The following ALDH9A1 variants were observed in gnomAD, a reference collection of about 807,000 sequenced individuals.
The protein encoded by ALDH9A1 is aldehyde dehydrogenase 9 family member A1, also known as 4-trimethylaminobutyraldehyde dehydrogenase.
Under a neutral mutation model 56.6 loss-of-function variants are expected in ALDH9A1, and 42 were observed. That is an observed-to-expected ratio of 0.74 (90% CI 0.58 to 0.96). The LOEUF is 0.96. ALDH9A1 is among the 40% of genes least tolerant of loss of function. ALDH9A1 has a pLI of 0.00. For missense variants in ALDH9A1, 661 were observed against 651.5 expected (o/e 1.01, Z -0.16); for synonymous variants, 242 against 236.0 (o/e 1.03, Z -0.23).
intron 2 of ALDH9A1, among the ~76,000 whole-genome samples, chr1:165,691,260 A>C (rs1350982653): frequency 6.6e-6 from 1 of 152,190 alleles, no homozygotes; most frequent in Admixed American, 6.5e-5. Context: ...TCTGGAGTGG[A>C]CCTCCAGCAA....
intron 6 of ALDH9A1, chr1:165,671,551 T>C: frequency 2.2e-6 from 1 of 451,792 alleles, no homozygotes; most frequent in Admixed American, 2.6e-5. Flanking sequence ...ACCATTTAAT[T>C]AAGGCAGCAG....
rs966221634 is a variant in ALDH9A1 at position 165,662,831 on chromosome 1, G to A, written c.*219C>T. ...AAGATTTCACAAAAATACGCTTTGA[G>A]GAGAATCACAGCTTTCTTGATTAGT... On this transcript the variant is annotated 3_prime_UTR_variant, in exon 11 of 11. Transcript: ENST00000354775. The A allele has an allele frequency of 2.2e-5, 12 of 535,958 alleles. No individual in the cohort carries two copies. Among genetic ancestry groups the A allele is most frequent in the Non-Finnish European group, 4.0e-5 (12 of 298,974 alleles). 33.2% of individuals were successfully genotyped at this position (535,958 alleles called of 1,614,324 possible).
chr1:165,677,014 T>G (rs928156617), intron 6 of ALDH9A1, among the ~76,000 whole-genome samples: 5 of 152,162 alleles, frequency 3.3e-5, no homozygotes, highest in African/African-American at 1.2e-4. Context: ...AATCAGATAT[T>G]ATTTATGAAA....
Position 165,667,327 on chromosome 1 carries a change from G to A in ALDH9A1, c.1331C>T (p.Ala444Val). The A allele has an allele frequency of 6.2e-7, 1 of 1,614,114 alleles. No individual in the cohort carries two copies. The highest frequency in any genetic ancestry group is 8.5e-7 in the Non-Finnish European group (1 of 1,179,982). ...ERANDTTFGL[A>V]AGVFTRDIQR... ...CACATACCTGGTAAAGACGCCAGCT[G>A]CTAGTCCAAAAGTGGTATCATTGGC... Residue 444 changes from alanine (A) to valine (V), a missense_variant, in exon 9 of 11, where the codon GCA becomes GTA. Coordinates refer to ENST00000354775, the MANE Select transcript of ALDH9A1 (RefSeq NM_000696.4).
intron 2 of ALDH9A1, among the ~76,000 whole-genome samples, chr1:165,692,205 G>A (rs1467533850): frequency 6.6e-6 from 1 of 152,176 alleles, no homozygotes. Flanking sequence ...CATAGTGTTG[G>A]AAGTTCTGGC....
intron 2 of ALDH9A1, among the ~76,000 whole-genome samples, chr1:165,686,579 G>A (rs7546084): frequency 0.69 from 104,876 of 151,166 alleles, 36,698 homozygotes; most frequent in East Asian, 0.98. Flanking sequence ...CACCAGCCAT[G>A]GTGAGAAAAC....
chr1:165,698,360 C>T lies in ALDH9A1; in HGVS notation c.181+18G>A, dbSNP rs767145320. On this transcript the variant is annotated intron_variant, in intron 1 of 10. Transcript: ENST00000354775. ...CCGGCCCCAGGGCGCCCCAGCCTCC[C>T]CGGCTCGTTGCAGTTACCGGTTGCT... The T allele has an allele frequency of 6.3e-7, 1 of 1,583,748 alleles. No homozygotes were observed. The highest frequency in any genetic ancestry group is 1.1e-5 in the South Asian group (1 of 88,082).
At chr1:165,675,898 A>T (rs981309645) in intron 6 of ALDH9A1, among the ~76,000 whole-genome samples, 3 of 152,220 alleles carry the variant, frequency 2.0e-5, no homozygotes, top group Non-Finnish European at 4.4e-5. Context: ...TTTTCCACAG[A>T]GGTATGGATT....
intron 5 of ALDH9A1, 106 bp downstream of exon 5, chr1:165,680,381 G>T: frequency 8.3e-7 from 1 of 1,204,846 alleles, no homozygotes; most frequent in Non-Finnish European, 1.2e-6. Context: ...TCCCAATTCA[G>T]GCTAGGTAAA....
intron 2 of ALDH9A1, among the ~76,000 whole-genome samples, chr1:165,691,141 G>T (rs148361993): frequency 0.036 from 5,476 of 152,216 alleles, 329 homozygotes; most frequent in African/African-American, 0.12. Flanking sequence ...ATACAGGTGG[G>T]TGCCCTTCTG....
chr1:165,664,392 T>A (rs1427920903), intron 10 of ALDH9A1, among the ~76,000 whole-genome samples: 1 of 152,204 alleles, frequency 6.6e-6, no homozygotes, highest in African/African-American at 2.4e-5. Flanking sequence ...TCCTGATGCC[T>A]CAAACCTTCT....
At chr1:165,697,963 A>T (rs955933603) in intron 1 of ALDH9A1, among the ~76,000 whole-genome samples, 1 of 152,222 alleles carries the variant, frequency 6.6e-6, no homozygotes, top group African/African-American at 2.4e-5. Context: ...CGTAAGGTAG[A>T]GGGCGCAGTG....
At chr1:165,668,270 T>C (rs1056907972) in intron 8 of ALDH9A1, among the ~76,000 whole-genome samples, 2 of 152,012 alleles carry the variant, frequency 1.3e-5, no homozygotes, top group African/African-American at 2.4e-5. Context: ...TAGTGGGAGG[T>C]GTTTGGGTCA....
At chr1:165,671,415 CCTT>C (rs1649175500) in intron 6 of ALDH9A1, 6 of 457,258 alleles carry the variant, frequency 1.3e-5, no homozygotes, top group South Asian at 9.5e-5. Context: ...GGGCCTGACT[CCTT>C]CACAAATCGG....
chr1:165,662,223 AAC>A lies in ALDH9A1; in HGVS notation c.*825_*826del, dbSNP rs1648863548. 2.0e-5 allele frequency: 3 copies of A among 152,252 alleles called. No homozygotes were observed. Among genetic ancestry groups the A allele is most frequent in the Non-Finnish European group, 2.9e-5 (2 of 68,056 alleles). 9.4% of individuals were successfully genotyped at this position (152,252 alleles called of 1,614,324 possible). On this transcript the variant is annotated 3_prime_UTR_variant, in exon 11 of 11. Coordinates refer to ENST00000354775, the MANE Select transcript of ALDH9A1 (RefSeq NM_000696.4). ...TTCAAAACACGATAGGAAAACAATTAACAGTGTGATTTATTTTAATTTCACCA... is the reference window on the plus strand; with the variant it reads ...TTCAAAACACGATAGGAAAACAATTAAGTGTGATTTATTTTAATTTCACCA...
chr1:165,688,835 G>T (rs1434015994), intron 2 of ALDH9A1, among the ~76,000 whole-genome samples: 1 of 152,302 alleles, frequency 6.6e-6, no homozygotes, highest in African/African-American at 2.4e-5. Flanking sequence ...TTGGGGTGAA[G>T]GCAGGTTCAG....
intron 2 of ALDH9A1, among the ~76,000 whole-genome samples, chr1:165,689,576 C>A (rs368522640): frequency 7.2e-5 from 11 of 152,168 alleles, no homozygotes; most frequent in Admixed American, 7.2e-4. Flanking sequence ...TTCCTGCATG[C>A]ACAGGGATCT....
chr1:165,695,518 T>G, intron 1 of ALDH9A1, 121 bp from the exon 2 acceptor site: 1 of 943,494 alleles, frequency 1.1e-6, no homozygotes, highest in Non-Finnish European at 1.4e-6. Context: ...TTTCTTGAGA[T>G]GGAGTCTTGC....
At chr1:165,682,899 T>C in intron 3 of ALDH9A1, 82 bp downstream of exon 3, 1 of 1,489,086 alleles carries the variant, frequency 6.7e-7, no homozygotes, top group East Asian at 2.4e-5. Flanking sequence ...TTGTCTTAAT[T>C]CCAAAATCTT....
Sources: gnomAD v4.1 joint callset for allele counts (sites outside exome capture counted in the v4.1 genomes callset) on GRCh38, gnomAD v4.1.1 for gene constraint, MANE v1.5 for transcripts, NCBI Gene and HGNC (gene_info 2026-07-23, HGNC 2026-07-21) for gene names.